The following USP36 variants were observed in gnomAD, a reference collection of about 807,000 sequenced individuals.
USP36 encodes the protein ubiquitin specific peptidase 36.
USP36 carries 59 observed loss-of-function variants against 111.5 expected under a neutral mutation model. The observed-to-expected ratio is 0.53, with a 90% CI of 0.43 to 0.66. The LOEUF (loss-of-function observed/expected upper bound fraction) is 0.66, where lower values mean the gene tolerates loss of function less well. Ranked by LOEUF, USP36 falls within the 30% of genes least tolerant of loss-of-function variation. The pLI is 0.00. For synonymous variants in USP36, 628 were observed against 581.0 expected (o/e 1.08, Z -1.16); for missense variants, 1,488 against 1,468.0 (o/e 1.01, Z -0.22).
chr17:78,800,969 A>ATTTTT (rs746497209), intron 17 of USP36, among the ~76,000 whole-genome samples: 12 of 97,194 alleles, frequency 1.2e-4, no homozygotes, highest in South Asian at 3.2e-4. Context: ...TTAGGGCAGT[A>ATTTTT]TTTTTTTTTT....
intron 8 of USP36, 50 bp from the exon 9 acceptor site, chr17:78,820,062 T>C: frequency 1.3e-6 from 2 of 1,587,872 alleles, no homozygotes; most frequent in Non-Finnish European, 1.7e-6. Flanking sequence ...GGAAAAAGGC[T>C]GATTCAAGAA....
intron 6 of USP36, 91 bp from the exon 7 acceptor site, chr17:78,822,095 CAA>C: frequency 6.8e-7 from 1 of 1,471,644 alleles, no homozygotes. Context: ...CCACCAGTCA[CAA>C]GCTCAGCGTG....
chr17:78,822,122 C>T lies in USP36; in HGVS notation c.690-118G>A, dbSNP rs1469084281. 7 of 1,148,566 alleles carry T rather than the reference C, an allele frequency of 6.1e-6. No individual in the cohort carries two copies. The South Asian group carries it at 6.6e-5, about 11-fold the overall frequency. The allele number at this position is 1,148,566 out of a possible 1,614,324, so 71.1% of individuals were successfully genotyped here. On this transcript the variant is annotated intron_variant, in intron 6 of 20. Transcript: ENST00000449938. The stretch of plus-strand genomic sequence containing the variant: ...AGCTCAGCGTGAGGCTGGGAAACTC[C>T]ACCCCCCACCCGAGTCACCACAGAC...
rs541291302 is a variant in USP36 at position 78,821,546 on chromosome 17, G to A, written c.757+391C>T. 3.3e-3 allele frequency among the ~76,000 whole-genome samples: 497 copies of A among 148,994 alleles called. 1 individual carries two copies. The highest frequency in any genetic ancestry group is 0.011 in the African/African-American group (457 of 40,276). On this transcript the variant is annotated intron_variant, in intron 7 of 20. Coordinates refer to ENST00000449938, the MANE Select transcript of USP36 (RefSeq NM_001385174.1). ...GGGTTCAAGCAATTCTCCTGACTCA[G>A]CCTCCCAAGTAGCTGGGATTGCAGG...
Position 78,803,779 on chromosome 17 carries a change from G to A in USP36, c.2416C>T (p.Gln806Ter), listed in dbSNP as rs537129179. 150 of 1,607,304 alleles carry A rather than the reference G, an allele frequency of 9.3e-5. No homozygotes were observed. The South Asian group carries it at 1.5e-3, about 16-fold the overall frequency. ...TTTTTCCTCTTCTCAGAGGGGCTCT[G>A]GGGGGGCTCACTGGCCTCTGGCAAC... is the stretch of plus-strand genomic sequence containing the variant. ...HQLPEASEPP[Q>*]SPSEKRKKTF... The change falls in exon 16 of 21, where the codon CAG becomes TAG. Residue 806 changes from glutamine (Q) to a stop codon, truncating the protein, a stop_gained. Transcript: ENST00000449938. LOFTEE classifies it high-confidence loss of function. This position sits in a 1 kb window ranked among gnomAD's most constrained non-coding sequence, Gnocchi z 4.6.
At chr17:78,790,444 C>T (rs137858906) in intron 3 of USP36, among the ~76,000 whole-genome samples, 459 of 152,244 alleles carry the variant, frequency 3.0e-3, no homozygotes, top group African/African-American at 0.01. Flanking sequence ...GCGTGTGCCA[C>T]GAGGCCCGGC....
At chr17:78,823,725 G>A (rs1200003008) in intron 6 of USP36, among the ~76,000 whole-genome samples, 1 of 152,112 alleles carries the variant, frequency 6.6e-6, no homozygotes, top group African/African-American at 2.4e-5. Context: ...GCCTTAGAAG[G>A]GCAGTGAAGG....
downstream of USP36, among the ~76,000 whole-genome samples, chr17:78,793,095 G>A (rs555226135): frequency 7.3e-5 from 11 of 150,874 alleles, no homozygotes; most frequent in South Asian, 1.9e-3. Flanking sequence ...CGTCAGTATC[G>A]AATGCCTCTC....
chr17:78,798,673 C>G lies in USP36; in HGVS notation c.3241-122G>C. 1.4e-6 allele frequency: 2 copies of G among 1,479,248 alleles called. No homozygotes were observed. The highest frequency in any genetic ancestry group is 1.8e-6 in the Non-Finnish European group (2 of 1,089,268). The allele number at this position is 1,479,248 out of a possible 1,614,324, so 91.6% of individuals were successfully genotyped here. On this transcript the variant is annotated intron_variant, in intron 19 of 20. Coordinates refer to ENST00000449938, the MANE Select transcript of USP36 (RefSeq NM_001385174.1). The surrounding 1 kb of genome is among the most constrained non-coding windows in gnomAD (Gnocchi z 5.1). ...CTCTCATGAGCTCTCTGGAGACCCA[C>G]TCTTCACAATGACCCCTGTGCACGG...
intron 4 of USP36, among the ~76,000 whole-genome samples, chr17:78,833,730 A>G (rs1725915249): frequency 6.6e-6 from 1 of 152,130 alleles, no homozygotes; most frequent in Admixed American, 6.6e-5. Context: ...GGATAAACAT[A>G]AGTTGCTTAC....
At chr17:78,839,843 G>A (rs2069080382) in intron 1 of USP36, among the ~76,000 whole-genome samples, 1 of 152,186 alleles carries the variant, frequency 6.6e-6, no homozygotes, top group Non-Finnish European at 1.5e-5. Flanking sequence ...CCCAACTCAG[G>A]AAGGATGCTC....
intron 9 of USP36, 197 bp from the exon 10 acceptor site, chr17:78,818,975 G>T: frequency 1.9e-6 from 1 of 528,584 alleles, no homozygotes; most frequent in Non-Finnish European, 3.4e-6. Flanking sequence ...AGGGAAATAA[G>T]ACTACAGAAA....
intron 13 of USP36, among the ~76,000 whole-genome samples, chr17:78,810,744 G>C (rs554070907): frequency 6.6e-6 from 1 of 152,266 alleles, no homozygotes; most frequent in Non-Finnish European, 1.5e-5. Flanking sequence ...AACCCCTGCA[G>C]ACTGTGAAAG....
At chr17:78,790,008 A>C (rs1346994294) in intron 3 of USP36, among the ~76,000 whole-genome samples, 1 of 152,224 alleles carries the variant, frequency 6.6e-6, no homozygotes, top group African/African-American at 2.4e-5. Flanking sequence ...CTCATTCAAC[A>C]AATATTTACC....
chr17:78,795,596 G>T (rs2093617354), downstream of USP36: 1 of 152,088 alleles, frequency 6.6e-6, no homozygotes, highest in Admixed American at 6.6e-5. This position sits in a 1 kb window ranked among gnomAD's most constrained non-coding sequence, Gnocchi z 4.5. Flanking sequence ...GCGAGACTGT[G>T]GTTGGGATGT....
intron 17 of USP36, among the ~76,000 whole-genome samples, chr17:78,801,538 C>G (rs1326968753): frequency 1.3e-5 from 2 of 152,222 alleles, no homozygotes; most frequent in Non-Finnish European, 2.9e-5. Flanking sequence ...CTTCACTTAA[C>G]AAATGTGTTC....
rs1209364643 is a variant in USP36, at chr17:78,796,877, A to G, written c.*1023T>C. On this transcript the variant is annotated 3_prime_UTR_variant, in exon 21 of 21. Transcript: ENST00000449938. ...GGGCATTTGTCTTTTTCCTGAAAAT[A>G]TCACCTTCTCTGAGGATTTCCTGTA... is the stretch of plus-strand genomic sequence containing the variant. The G allele has an allele frequency of 2.6e-5, 4 of 152,232 alleles. No individual in the cohort carries two copies. Among genetic ancestry groups the G allele is most frequent in the African/African-American group, 9.6e-5 (4 of 41,466 alleles). 9.4% of individuals were successfully genotyped at this position (152,232 alleles called of 1,614,324 possible). A position where few individuals can be genotyped will look rare whatever the true frequency, so the allele number is the denominator to read the frequency against.
At chr17:78,828,812 C>T (rs1396015290) in intron 5 of USP36, 85 bp downstream of exon 5, 11 of 1,360,414 alleles carry the variant, frequency 8.1e-6, no homozygotes, top group Non-Finnish European at 1.0e-5. Flanking sequence ...TAAGACCAGC[C>T]TGGGCAACAT....
At chr17:78,820,950 G>A (rs776875112) in intron 8 of USP36, 41 bp downstream of exon 8, 13 of 1,581,322 alleles carry the variant, frequency 8.2e-6, no homozygotes, top group Middle Eastern at 1.7e-4. Flanking sequence ...CTCTGGCCTC[G>A]CTCTCCTACT....
Sources: gnomAD v4.1 joint callset for allele counts (sites outside exome capture counted in the v4.1 genomes callset) on GRCh38, gnomAD v4.1.1 for gene constraint, Gnocchi (gnomAD v3.1) non-coding constraint, MANE v1.5 for transcripts, NCBI Gene and HGNC (gene_info 2026-07-23, HGNC 2026-07-21) for gene names.